The following PPP6R3 variants were observed in gnomAD, a reference collection of about 807,000 sequenced individuals.
The protein encoded by PPP6R3 is protein phosphatase 6 regulatory subunit 3, also known as serine/threonine-protein phosphatase 6 regulatory subunit 3.
PPP6R3 carries 38 observed loss-of-function variants against 110.7 expected under a neutral mutation model. The observed-to-expected ratio is 0.34, with a 90% CI of 0.26 to 0.45. PPP6R3 has a LOEUF of 0.45. PPP6R3 is among the 20% of genes least tolerant of loss of function. PPP6R3 has a pLI of 1.00. For missense variants in PPP6R3, 870 were observed against 1,062.4 expected (o/e 0.82, Z 2.52); for synonymous variants, 369 against 373.5 (o/e 0.99, Z 0.14).
At chr11:68,518,898 G>A (rs1026099149) in intron 1 of PPP6R3, among the ~76,000 whole-genome samples, 3 of 152,066 alleles carry the variant, frequency 2.0e-5, no homozygotes, top group African/African-American at 7.3e-5. Flanking sequence ...ATTCTAATTA[G>A]TTCAATGTCC....
In PPP6R3 at chr11:68,615,073, G is replaced by T; in HGVS notation, c.*1956G>T. ...TCTTGCTTCATCCCACTGACTGCTG[G>T]GAGAGAGCCTCTGGGACTTTTCTTT... On this transcript the variant is annotated 3_prime_UTR_variant, in exon 24 of 24. Transcript: ENST00000393800. 2.1e-6 allele frequency: 1 copy of T among 474,972 alleles called. No individual in the cohort carries two copies. Among genetic ancestry groups the T allele is most frequent in the South Asian group, 1.5e-5 (1 of 64,732 alleles). 29.4% of individuals were successfully genotyped at this position (474,972 alleles called of 1,614,324 possible).
At chr11:68,574,365 T>C in intron 13 of PPP6R3, 141 bp downstream of exon 13, 1 of 632,722 alleles carries the variant, frequency 1.6e-6, no homozygotes, top group South Asian at 1.9e-5. Flanking sequence ...TTGAATGAGG[T>C]TCTTGAGAAT....
At chr11:68,509,744 A>ATTTTTTTT (rs59022544) in intron 1 of PPP6R3, among the ~76,000 whole-genome samples, 6 of 102,152 alleles carry the variant, frequency 5.9e-5, no homozygotes, top group African/African-American at 1.1e-4. Flanking sequence ...CATGTGGCTA[A>ATTTTTTTT]TTTTTTTTTT....
intron 14 of PPP6R3, among the ~76,000 whole-genome samples, chr11:68,576,478 A>G (rs1156465670): frequency 2.0e-5 from 3 of 152,304 alleles, no homozygotes; most frequent in Admixed American, 6.5e-5. Flanking sequence ...ATCATTCCCA[A>G]TGGGGGAATA....
At chr11:68,585,804 A>G (rs936724083) in intron 15 of PPP6R3, among the ~76,000 whole-genome samples, 1 of 152,228 alleles carries the variant, frequency 6.6e-6, no homozygotes, top group African/African-American at 2.4e-5. Flanking sequence ...ATGAATAGAT[A>G]AATATATATC....
intron 3 of PPP6R3, 127 bp downstream of exon 3, chr11:68,538,018 G>A: frequency 1.4e-6 from 1 of 715,002 alleles, no homozygotes; most frequent in Non-Finnish European, 2.2e-6. Context: ...AGTCAAGAAT[G>A]ACAGGCTCGG....
intron 14 of PPP6R3, among the ~76,000 whole-genome samples, chr11:68,582,562 G>T (rs2099562189): frequency 6.6e-6 from 1 of 152,168 alleles, no homozygotes; most frequent in Non-Finnish European, 1.5e-5. Flanking sequence ...TCTTAGTGTG[G>T]GCAGGAAGTC....
At chr11:68,536,956 A>G (rs147359028) in intron 2 of PPP6R3, among the ~76,000 whole-genome samples, 4 of 152,294 alleles carry the variant, frequency 2.6e-5, no homozygotes, top group African/African-American at 9.6e-5. Flanking sequence ...CCTCTGTTTT[A>G]TATTTCCATT....
At chr11:68,579,908 G>C (rs541450993) in intron 14 of PPP6R3, among the ~76,000 whole-genome samples, 1 of 152,340 alleles carries the variant, frequency 6.6e-6, no homozygotes, top group Admixed American at 6.5e-5. Flanking sequence ...TCTACCATGT[G>C]AACTCTATGA....
rs1351501426 is a variant in PPP6R3, at chr11:68,564,248, C to G, written c.846-55C>G. ...AGTAAAGACATACATGGTCGATAAC[C>G]TTGAATGATTTGTTCTGAAATTATA... On this transcript the variant is annotated intron_variant, in intron 8 of 23. Transcript: ENST00000393800. The G allele has an allele frequency of 3.3e-6, 5 of 1,511,502 alleles. No individual in the cohort carries two copies. In the South Asian group the frequency reaches 4.8e-5, roughly 14 times the overall value. The allele number at this position is 1,511,502 out of a possible 1,614,324, so 93.6% of individuals were successfully genotyped here.
At chr11:68,575,138 C>G (rs2099525668) in intron 13 of PPP6R3, among the ~76,000 whole-genome samples, 1 of 152,142 alleles carries the variant, frequency 6.6e-6, no homozygotes, top group Admixed American at 6.5e-5. Context: ...TATGTCCTAA[C>G]TAAGAAGAAA....
intron 1 of PPP6R3, among the ~76,000 whole-genome samples, chr11:68,476,714 T>C (rs1019589165): frequency 3.9e-5 from 6 of 152,134 alleles, no homozygotes; most frequent in African/African-American, 1.2e-4. Context: ...TCTTTGTTAT[T>C]GATGACAAAC....
At chr11:68,521,227 G>T (rs143335304) in intron 2 of PPP6R3, among the ~76,000 whole-genome samples, 5 of 152,182 alleles carry the variant, frequency 3.3e-5, no homozygotes, top group African/African-American at 1.2e-4. Context: ...GTTATTTTAG[G>T]ATTATTTTTT....
intron 2 of PPP6R3, among the ~76,000 whole-genome samples, chr11:68,520,528 A>G (rs1371143016): frequency 6.6e-6 from 1 of 152,176 alleles, no homozygotes; most frequent in Non-Finnish European, 1.5e-5. Context: ...GGCATCTGAA[A>G]TACTACTTTG....
intron 1 of PPP6R3, among the ~76,000 whole-genome samples, chr11:68,499,693 T>C (rs568139967): frequency 6.6e-5 from 10 of 152,156 alleles, no homozygotes; most frequent in African/African-American, 2.2e-4. Flanking sequence ...TTCAGCCTCC[T>C]GAGTAGCTAG....
chr11:68,596,833 A>AG (rs1174025006), intron 19 of PPP6R3, among the ~76,000 whole-genome samples: 2 of 152,192 alleles, frequency 1.3e-5, no homozygotes. Context: ...GCTTGCCCCA[A>AG]GCCTGGCCAG....
intron 1 of PPP6R3, among the ~76,000 whole-genome samples, chr11:68,508,052 AAT>A (rs754744342): frequency 5.6e-5 from 8 of 142,044 alleles, no homozygotes; most frequent in African/African-American, 2.2e-4. Flanking sequence ...AAAAAAAAAA[AAT>A]TTATATGAGA....
intron 2 of PPP6R3, among the ~76,000 whole-genome samples, chr11:68,520,741 T>C (rs563102736): frequency 2.5e-4 from 38 of 152,168 alleles, no homozygotes; most frequent in Non-Finnish European, 5.4e-4. Context: ...TTCATTCCCC[T>C]TGTGGCCCCT....
rs2153723993 is a variant in PPP6R3 at position 68,558,695 on chromosome 11, A to G, written c.845+16A>G. 3 of 1,549,552 alleles carry G rather than the reference A, an allele frequency of 1.9e-6. No individual in the cohort carries two copies. The highest frequency in any genetic ancestry group is 2.3e-5 in the East Asian group (1 of 44,436). On this transcript the variant is annotated intron_variant, in intron 8 of 23. Transcript: ENST00000393800. ...GACGACCAACGTAAGCTTTTCTTAT[A>G]TCTTACAAAATGAACCATGTTGTTT...
Sources: allele counts gnomAD v4.1 joint callset (sites outside exome capture counted in the v4.1 genomes callset), GRCh38; gene constraint gnomAD v4.1.1; transcripts MANE v1.5; gene names NCBI Gene and HGNC (gene_info 2026-07-23, HGNC 2026-07-21).